The following LARGE1 variants were observed in gnomAD, a reference collection of about 807,000 sequenced individuals.
LARGE1 encodes the protein LARGE xylosyl- and glucuronyltransferase 1, also known as xylosyl- and glucuronyltransferase LARGE1.
In LARGE1, 43 loss-of-function variants were observed where a neutral mutation model predicts 87.6. That is an observed-to-expected ratio of 0.49 (90% CI 0.38 to 0.63). The LOEUF is 0.63. Among genes scored for constraint, LARGE1 ranks in the 30% least tolerant of loss-of-function variants. LARGE1 has a pLI of 0.00. For missense variants in LARGE1, 802 were observed against 1,000.2 expected, an observed-to-expected ratio of 0.80 and a Z score of 2.67; for synonymous variants, 434 against 394.6, an observed-to-expected ratio of 1.10 and a Z score of -1.18.
intron 2 of LARGE1, among the ~76,000 whole-genome samples, chr22:33,702,379 T>G (rs1194244343): frequency 6.6e-6 from 1 of 152,186 alleles, no homozygotes; most frequent in African/African-American, 2.4e-5. Flanking sequence ...AGGGACATTA[T>G]TTAGATAAAA....
chr22:33,155,271 T>G, the LARGE1 span, among the ~76,000 whole-genome samples: 3 of 152,082 alleles, frequency 2.0e-5, no homozygotes, highest in Non-Finnish European at 4.4e-5. Flanking sequence ...TTGGAACACT[T>G]TGGAGGGCTC....
chr22:33,770,265 C>T (rs2085025583), intron 1 of LARGE1, among the ~76,000 whole-genome samples: 1 of 152,204 alleles, frequency 6.6e-6, no homozygotes, highest in Non-Finnish European at 1.5e-5. Context: ...TTTGAAGATA[C>T]TAAAATAATG....
chr22:33,635,815 G>A (rs150532377), intron 3 of LARGE1, among the ~76,000 whole-genome samples: 6 of 152,270 alleles, frequency 3.9e-5, no homozygotes, highest in Admixed American at 2.6e-4. Flanking sequence ...TCCAGGATTT[G>A]GGAAACCACT....
intron 3 of LARGE1, among the ~76,000 whole-genome samples, chr22:33,645,118 G>T (rs1319758473): frequency 6.6e-6 from 1 of 152,112 alleles, no homozygotes; most frequent in African/African-American, 2.4e-5. Flanking sequence ...TAAGCAAAAA[G>T]AACAAAGCTG....
At chr22:33,899,373 G>A (rs770136908) in intron 1 of LARGE1, among the ~76,000 whole-genome samples, 1 of 152,232 alleles carries the variant, frequency 6.6e-6, no homozygotes, top group South Asian at 2.1e-4. Context: ...CTTGGGAGTA[G>A]AATAGAGGAT....
chr22:33,856,946 T>C (rs2063772755), intron 1 of LARGE1: 2 of 149,864 alleles, frequency 1.3e-5, no homozygotes, highest in Non-Finnish European at 2.9e-5. Context: ...TTTTTCTTTT[T>C]TTGAGACAGA....
At chr22:33,130,634 A>G in the LARGE1 span, among the ~76,000 whole-genome samples, 1 of 152,202 alleles carries the variant, frequency 6.6e-6, no homozygotes, top group Non-Finnish European at 1.5e-5. Flanking sequence ...TAATGAGGCC[A>G]CTAGCCCCAG....
intron 1 of LARGE1, among the ~76,000 whole-genome samples, chr22:33,802,767 T>C (rs2086198576): frequency 6.6e-6 from 1 of 152,130 alleles, no homozygotes; most frequent in African/African-American, 2.4e-5. Flanking sequence ...CCCAGGTCTA[T>C]CTCCCTCTCC....
chr22:33,784,845 CAT>C lies in LARGE1; in HGVS notation c.-82-23289_-82-23288del, dbSNP rs569969780. ...TACACATATATGTATAATATACACA[CAT>C]AGACAGTTTATATTTGTACGTATTT... is the stretch of plus-strand genomic sequence containing the variant. On this transcript the variant is annotated intron_variant, in intron 1 of 14. Transcript: ENST00000397394. 6.3e-4 allele frequency among the ~76,000 whole-genome samples: 96 copies of C among 151,356 alleles called. 1 individual carries two copies. Among genetic ancestry groups the C allele is most frequent in the African/African-American group, 2.0e-3 (82 of 41,232 alleles).
intron 7 of LARGE1, among the ~76,000 whole-genome samples, chr22:33,385,340 C>T (rs2065286021): frequency 6.8e-6 from 1 of 146,772 alleles, no homozygotes; most frequent in East Asian, 2.0e-4. Flanking sequence ...ATTAGCCTGG[C>T]CAACATGGTG....
At chr22:33,272,268 G>C (rs1362888337), downstream of LARGE1, among the ~76,000 whole-genome samples, 1 of 152,188 alleles carries the variant, frequency 6.6e-6, no homozygotes, top group Non-Finnish European at 1.5e-5. Context: ...TCCTCTCTAG[G>C]GAAGGAGGAG....
chr22:33,276,736 T>C (rs564083459), intron 14 of LARGE1, among the ~76,000 whole-genome samples: 3 of 152,256 alleles, frequency 2.0e-5, no homozygotes, highest in Non-Finnish European at 4.4e-5. Flanking sequence ...TCGTGTCTGT[T>C]ACGTGACTCA....
intron 1 of LARGE1, among the ~76,000 whole-genome samples, chr22:33,778,311 G>A (rs2145872028): frequency 6.6e-6 from 1 of 152,308 alleles, no homozygotes; most frequent in East Asian, 1.9e-4. Flanking sequence ...CTTGTAGTGA[G>A]ACGGGCTTTT....
the LARGE1 span, among the ~76,000 whole-genome samples, chr22:33,067,939 C>A: frequency 6.6e-6 from 1 of 151,702 alleles, no homozygotes; most frequent in East Asian, 1.9e-4. Flanking sequence ...GAGATCGCAT[C>A]ACTGCACTCC....
intron 2 of LARGE1, among the ~76,000 whole-genome samples, chr22:33,706,518 C>G (rs1212474113): frequency 1.3e-5 from 2 of 152,196 alleles, no homozygotes; most frequent in East Asian, 3.8e-4. Context: ...AATGTGTTAC[C>G]TGGGGTAAGT....
intron 7 of LARGE1, among the ~76,000 whole-genome samples, chr22:33,410,497 A>AGGGGCTCTTCCCCCTTTG (rs1425154388): frequency 6.6e-6 from 1 of 151,896 alleles, no homozygotes; most frequent in Non-Finnish European, 1.5e-5. Context: ...TGGTTTTATA[A>AGGGGCTCTTCCCCCTTTG]GGGGCTCTTC....
chr22:33,233,961 T>C (rs184805991), intron 11 of LARGE1, among the ~76,000 whole-genome samples: 59 of 152,336 alleles, frequency 3.9e-4, no homozygotes, highest in African/African-American at 1.3e-3. Flanking sequence ...TCTTGCCCTA[T>C]ACTTCTGTAT....
intron 2 of LARGE1, among the ~76,000 whole-genome samples, chr22:33,667,998 C>T (rs1035541907): frequency 3.3e-5 from 5 of 152,038 alleles, no homozygotes; most frequent in East Asian, 1.9e-4. Context: ...TTATCTTTTC[C>T]GCCATTTTTC....
At chr22:33,590,188 T>C (rs2078795190) in intron 5 of LARGE1, among the ~76,000 whole-genome samples, 1 of 152,236 alleles carries the variant, frequency 6.6e-6, no homozygotes, top group Admixed American at 6.5e-5. Flanking sequence ...GGCTATTCTA[T>C]CCTCTTATGG....
Sources: allele counts gnomAD v4.1 joint callset (sites outside exome capture counted in the v4.1 genomes callset), GRCh38; gene constraint gnomAD v4.1.1; transcripts MANE v1.5; gene names NCBI Gene and HGNC (gene_info 2026-07-23, HGNC 2026-07-21).